Variants in DNER observed in about 807,000 individuals in gnomAD.
The protein encoded by DNER is delta and Notch-like epidermal growth factor-related receptor.
A neutral mutation model predicts 78.2 loss-of-function variants in DNER; 33 were observed. That is an observed-to-expected ratio of 0.42 (90% confidence interval 0.32 to 0.56). DNER has a LOEUF of 0.56. DNER is among the 20% of genes least tolerant of loss of function. DNER has a pLI of 0.11. For synonymous variants in DNER, 417 were observed against 384.8 expected, an observed-to-expected ratio of 1.08 and a Z score of -0.98; for missense variants, 918 against 975.3, an observed-to-expected ratio of 0.94 and a Z score of 0.78.
At chr2:229,600,576 G>A (rs1697808687) in intron 1 of DNER, among the ~76,000 whole-genome samples, 1 of 152,198 alleles carries the variant, frequency 6.6e-6, no homozygotes, top group Non-Finnish European at 1.5e-5. Flanking sequence ...ACAACTTAAA[G>A]GACCAGATAT....
At chr2:229,662,728 C>T (rs928736895) in intron 1 of DNER, among the ~76,000 whole-genome samples, 5 of 152,210 alleles carry the variant, frequency 3.3e-5, no homozygotes, top group Non-Finnish European at 7.3e-5. Context: ...ACACCAGGCT[C>T]ATCAGGTCAA....
chr2:229,601,175 T>C (rs1697819661), intron 1 of DNER, among the ~76,000 whole-genome samples: 1 of 152,212 alleles, frequency 6.6e-6, no homozygotes, highest in Admixed American at 6.5e-5. Flanking sequence ...GGAATTGCAG[T>C]GGTTGTAAAT....
intron 9 of DNER, among the ~76,000 whole-genome samples, chr2:229,414,953 G>A (rs552830752): frequency 7.9e-5 from 12 of 152,198 alleles, no homozygotes; most frequent in Admixed American, 3.3e-4. Context: ...ACCTGAGGTC[G>A]GGAGTTCAAG....
At chr2:229,447,142 G>A (rs917752605) in intron 8 of DNER, among the ~76,000 whole-genome samples, 174 bp downstream of exon 8, 1 of 152,134 alleles carries the variant, frequency 6.6e-6, no homozygotes, top group African/African-American at 2.4e-5. Flanking sequence ...ATAAATGAGT[G>A]GAATTCACTT....
chr2:229,458,020 C>T (rs7575055), intron 7 of DNER, among the ~76,000 whole-genome samples: 110,314 of 150,266 alleles, frequency 0.73, 40,823 homozygotes, highest in South Asian at 0.83. Context: ...CCTGTAATCC[C>T]AGCTACTGGG....
intron 1 of DNER, among the ~76,000 whole-genome samples, chr2:229,652,728 C>T (rs970825101): frequency 2.0e-5 from 3 of 152,060 alleles, no homozygotes; most frequent in African/African-American, 7.2e-5. Flanking sequence ...TTTTCAGCCT[C>T]GTATCTTGGG....
At chr2:229,621,984 G>C (rs1698258588) in intron 1 of DNER, among the ~76,000 whole-genome samples, 1 of 152,194 alleles carries the variant, frequency 6.6e-6, no homozygotes, top group Non-Finnish European at 1.5e-5. Context: ...TACTCGGGAG[G>C]CTGAGGCAGG....
At chr2:229,465,725 G>T (rs1694790914) in intron 7 of DNER, among the ~76,000 whole-genome samples, 3 of 152,126 alleles carry the variant, frequency 2.0e-5, no homozygotes, top group African/African-American at 7.2e-5. Context: ...GAAGAAATTA[G>T]GTTGGAGAGG....
intron 1 of DNER, among the ~76,000 whole-genome samples, chr2:229,657,573 C>A (rs1698933390): frequency 6.6e-6 from 1 of 152,168 alleles, no homozygotes; most frequent in South Asian, 2.1e-4. Context: ...AGATACCTAC[C>A]TCCAGATGTT....
At chr2:229,531,044 G>C (rs1696290935) in intron 5 of DNER, among the ~76,000 whole-genome samples, 1 of 152,104 alleles carries the variant, frequency 6.6e-6, no homozygotes, top group Admixed American at 6.5e-5. Flanking sequence ...CAATATTAGG[G>C]TACCATCTTC....
intron 4 of DNER, among the ~76,000 whole-genome samples, chr2:229,563,494 C>T (rs1697011300): frequency 7.3e-6 from 1 of 137,844 alleles, no homozygotes; most frequent in Admixed American, 7.4e-5. Context: ...CATCCTCACC[C>T]CATCATCATC....
chr2:229,707,543 C>T (rs563066962), intron 1 of DNER, among the ~76,000 whole-genome samples: 2 of 152,312 alleles, frequency 1.3e-5, no homozygotes, highest in Non-Finnish European at 1.5e-5. Context: ...AGGCCCAGTG[C>T]CCTCCTGGTG....
At chr2:229,451,372 G>C (rs141108068) in intron 7 of DNER, among the ~76,000 whole-genome samples, 1 of 152,142 alleles carries the variant, frequency 6.6e-6, no homozygotes, top group African/African-American at 2.4e-5. Context: ...CAGGAGAATC[G>C]CTTGAACCCA....
chr2:229,610,125 C>T (rs1034448976), intron 1 of DNER, among the ~76,000 whole-genome samples: 4 of 151,990 alleles, frequency 2.6e-5, no homozygotes, highest in South Asian at 2.1e-4. Flanking sequence ...TTTGTTTTGA[C>T]GATGGAAGAT....
chr2:229,650,670 G>A (rs1047302481), intron 1 of DNER, among the ~76,000 whole-genome samples: 5 of 152,112 alleles, frequency 3.3e-5, no homozygotes, highest in South Asian at 2.1e-4. Flanking sequence ...GTTCCTTTTC[G>A]TAGTATTTTC....
intron 5 of DNER, among the ~76,000 whole-genome samples, chr2:229,530,920 A>G (rs1370336958): frequency 1.3e-5 from 2 of 152,186 alleles, no homozygotes; most frequent in Non-Finnish European, 2.9e-5. Flanking sequence ...ACAAGGAAAA[A>G]GCAATCTAAA....
At chr2:229,451,318 G>A (rs991140470) in intron 7 of DNER, among the ~76,000 whole-genome samples, 3 of 152,278 alleles carry the variant, frequency 2.0e-5, no homozygotes, top group Admixed American at 2.0e-4. Flanking sequence ...TTAGCCGGGT[G>A]TGGTGGTGCC....
At chr2:229,517,210 G>A (rs1695997579) in intron 5 of DNER, among the ~76,000 whole-genome samples, 2 of 152,022 alleles carry the variant, frequency 1.3e-5, no homozygotes, top group Non-Finnish European at 2.9e-5. Context: ...CAACCAATGT[G>A]TATTAAGCAT....
chr2:229,672,683 TAGAG>T (rs544886406), intron 1 of DNER, among the ~76,000 whole-genome samples: 14 of 149,986 alleles, frequency 9.3e-5, no homozygotes, highest in Non-Finnish European at 3.0e-5. Flanking sequence ...AGATATGAGA[TAGAG>T]AGAGAGGTGA....
Sources: allele counts gnomAD v4.1 joint callset (sites outside exome capture counted in the v4.1 genomes callset), GRCh38; gene constraint gnomAD v4.1.1; transcripts MANE v1.5; gene names NCBI Gene and HGNC (gene_info 2026-07-23, HGNC 2026-07-21).